KIF6: variants seen among roughly 807,000 people sequenced by gnomAD.
KIF6 encodes kinesin family member 6.
KIF6 carries 106 observed loss-of-function variants against 112.7 expected under a neutral mutation model. The ratio of observed to expected loss-of-function variants is 0.94; its 90% CI spans 0.80 to 1.11. The LOEUF is 1.11. Among genes scored for constraint, KIF6 ranks in the 50% least tolerant of loss-of-function variants. The probability of loss-of-function intolerance (pLI) is 0.00; values close to 1 mark genes in which losing one functional copy is unlikely to be tolerated. For missense variants in KIF6, 929 were observed against 964.0 expected (o/e 0.96, Z 0.48); for synonymous variants, 339 against 339.9 (o/e 1.00, Z 0.03).
chr6:39,641,315 T>TA (rs762543528), intron 3 of KIF6, among the ~76,000 whole-genome samples: 1 of 152,092 alleles, frequency 6.6e-6, no homozygotes, highest in Non-Finnish European at 1.5e-5. Flanking sequence ...TCTGCAGCCA[T>TA]AAAAATTGAT....
intron 13 of KIF6, among the ~76,000 whole-genome samples, chr6:39,444,816 G>T (rs62402234): frequency 6.6e-6 from 1 of 151,446 alleles, no homozygotes; most frequent in Non-Finnish European, 1.5e-5. Flanking sequence ...AGGGTCAGAA[G>T]GTCAGAGATG....
At chr6:39,511,030 G>T (rs1776754672) in intron 13 of KIF6, among the ~76,000 whole-genome samples, 1 of 152,020 alleles carries the variant, frequency 6.6e-6, no homozygotes, top group East Asian at 1.9e-4. Flanking sequence ...AAATATATAT[G>T]CACCCAATAC....
At chr6:39,634,697 G>GA (rs200804439) in intron 5 of KIF6, 152 bp downstream of exon 5, 15,081 of 636,216 alleles carry the variant, frequency 0.024, 175 homozygotes, top group Middle Eastern at 0.053. Flanking sequence ...TGTCATAACT[G>GA]AAAAAAAAAT....
intron 5 of KIF6, among the ~76,000 whole-genome samples, chr6:39,633,213 T>C (rs1051642311): frequency 6.6e-6 from 1 of 151,908 alleles, no homozygotes; most frequent in Non-Finnish European, 1.5e-5. Context: ...GAAATGAGAG[T>C]GTAGAGGGAG....
At chr6:39,699,394 C>T (rs1344324888) in intron 3 of KIF6, among the ~76,000 whole-genome samples, 1 of 151,770 alleles carries the variant, frequency 6.6e-6, no homozygotes, top group African/African-American at 2.4e-5. Context: ...AAAGAGCATT[C>T]CAGACACAGA....
intron 14 of KIF6, among the ~76,000 whole-genome samples, chr6:39,424,829 C>T (rs1003619893): frequency 6.6e-6 from 1 of 152,198 alleles, no homozygotes; most frequent in Admixed American, 6.5e-5. Flanking sequence ...TAGTTTGTCT[C>T]AGCAAACCAA....
At chr6:39,417,755 A>G (rs2150361428) in intron 15 of KIF6, among the ~76,000 whole-genome samples, 1 of 152,244 alleles carries the variant, frequency 6.6e-6, no homozygotes, top group Non-Finnish European at 1.5e-5. Context: ...AAAACTAAGT[A>G]TATTAGTATA....
chr6:39,626,894 C>T (rs1257814279), intron 5 of KIF6, among the ~76,000 whole-genome samples: 1 of 152,058 alleles, frequency 6.6e-6, no homozygotes, highest in Non-Finnish European at 1.5e-5. Flanking sequence ...CAATTTAGTT[C>T]CTTTGTTTTT....
At chr6:39,537,966 A>C (rs138919684) in intron 13 of KIF6, among the ~76,000 whole-genome samples, 4,553 of 152,308 alleles carry the variant, frequency 0.03, 234 homozygotes, top group African/African-American at 0.1. Context: ...AGCAATGGGG[A>C]AAGGATTCCC....
chr6:39,394,303 C>T (rs1023841880), intron 15 of KIF6, among the ~76,000 whole-genome samples: 1 of 152,094 alleles, frequency 6.6e-6, no homozygotes, highest in African/African-American at 2.4e-5. Flanking sequence ...ACTGCACTTC[C>T]TTGATAGGGA....
At chr6:39,510,872 C>CAAAAAAAAAAAAAA (rs1180631310) in intron 13 of KIF6, among the ~76,000 whole-genome samples, 2 of 23,856 alleles carry the variant, frequency 8.4e-5, no homozygotes, top group African/African-American at 1.6e-4. Flanking sequence ...AAATGGGAAG[C>CAAAAAAAAAAAAAA]AAAAAAAAAA....
In KIF6 at chr6:39,331,610, C is replaced by A. The variant is rs1762739173; in HGVS notation, c.*4922G>T. The A allele has an allele frequency of 6.6e-6, 1 of 152,166 alleles. No individual in the cohort carries two copies. Among genetic ancestry groups the A allele is most frequent in the Admixed American group, 6.5e-5 (1 of 15,282 alleles). The allele number at this position is 152,166 out of a possible 1,614,324, so 9.4% of individuals were successfully genotyped here. On this transcript the variant is annotated 3_prime_UTR_variant, in exon 23 of 23. Coordinates refer to ENST00000287152, the MANE Select transcript of KIF6 (RefSeq NM_145027.6). ...ATGTTGGCCAGGTTGGTCTCAAACT[C>A]CTGACCTCGTGATCCGCCAGCCTCA...
intron 13 of KIF6, among the ~76,000 whole-genome samples, chr6:39,496,615 G>T (rs1488610151): frequency 2.0e-5 from 3 of 152,086 alleles, no homozygotes; most frequent in Non-Finnish European, 4.4e-5. Flanking sequence ...TAGGGTAAGG[G>T]TCATCTATTT....
In KIF6 at chr6:39,545,814, T is replaced by C. The variant is rs1037632288; in HGVS notation, c.1182-126A>G. 4 of 558,264 alleles carry C rather than the reference T, an allele frequency of 7.2e-6. No homozygotes were observed. In the African/African-American group the frequency reaches 7.7e-5, roughly 11 times the overall value. 34.6% of individuals were successfully genotyped at this position (558,264 alleles called of 1,614,324 possible). A position where few individuals can be genotyped will look rare whatever the true frequency, so the allele number is the denominator to read the frequency against. On this transcript the variant is annotated intron_variant, in intron 10 of 22. Transcript: ENST00000287152. ...TCCCACCTCTTTACAGAAGTACAGA[T>C]TTGAGTATAAAAATTAAGGGAAAAG...
intron 3 of KIF6, among the ~76,000 whole-genome samples, chr6:39,710,270 A>G (rs1452330024): frequency 6.6e-6 from 1 of 152,192 alleles, no homozygotes; most frequent in Non-Finnish European, 1.5e-5. Flanking sequence ...CCATGCCCTC[A>G]GCACATGCCA....
chr6:39,399,247 C>T (rs1768505926), intron 15 of KIF6, among the ~76,000 whole-genome samples: 1 of 152,156 alleles, frequency 6.6e-6, no homozygotes, highest in African/African-American at 2.4e-5. Flanking sequence ...GTGTCCTTGT[C>T]CAAGCACCTG....
At chr6:39,374,619 A>G (rs8180594) in intron 16 of KIF6, among the ~76,000 whole-genome samples, 96,889 of 152,042 alleles carry the variant, frequency 0.64, 31,117 homozygotes, top group Non-Finnish European at 0.66. Context: ...ACAGGTTCAT[A>G]AGAAAATGCT....
intron 14 of KIF6, among the ~76,000 whole-genome samples, chr6:39,424,823 T>C (rs536584310): frequency 3.9e-5 from 6 of 152,162 alleles, no homozygotes; most frequent in Non-Finnish European, 8.8e-5. Flanking sequence ...AGACAATAGT[T>C]TGTCTCAGCA....
At chr6:39,349,629 CTCTTTTT>C (rs1764067301) in intron 19 of KIF6, among the ~76,000 whole-genome samples, 1 of 98,142 alleles carries the variant, frequency 1.0e-5, no homozygotes, top group Non-Finnish European at 1.9e-5. Flanking sequence ...TAATTTGTGG[CTCTTTTT>C]TTTTTTTTTT....
Sources: gnomAD v4.1 joint callset for allele counts (sites outside exome capture counted in the v4.1 genomes callset) on GRCh38, gnomAD v4.1.1 for gene constraint, MANE v1.5 for transcripts, NCBI Gene and HGNC (gene_info 2026-07-23, HGNC 2026-07-21) for gene names.